The following TNIK variants were observed in gnomAD, a reference collection of about 807,000 sequenced individuals.
TNIK encodes the protein TRAF2 and NCK-interacting protein kinase.
TNIK carries 49 observed loss-of-function variants against 191.3 expected under a neutral mutation model. That is an observed-to-expected ratio of 0.26 (90% CI 0.20 to 0.32). The LOEUF is 0.32. Ranked by LOEUF, TNIK falls within the 10% of genes least tolerant of loss-of-function variation. The pLI, the probability that TNIK is intolerant of heterozygous loss-of-function variation, is 1.00. For synonymous variants in TNIK, 594 were observed against 600.9 expected (o/e 0.99, Z 0.17); for missense variants, 1,155 against 1,702.3 (o/e 0.68, Z 5.66).
intron 2 of TNIK, among the ~76,000 whole-genome samples, chr3:171,290,562 T>C (rs909490910): frequency 1.3e-5 from 2 of 152,236 alleles, no homozygotes; most frequent in African/African-American, 4.8e-5. Context: ...TCAAATATGC[T>C]GAACATTAGA....
chr3:171,420,389 A>C (rs1391707161), intron 1 of TNIK, among the ~76,000 whole-genome samples: 1 of 152,144 alleles, frequency 6.6e-6, no homozygotes, highest in African/African-American at 2.4e-5. Context: ...GTTTTTTTAC[A>C]CTCAAGGTAG....
At chr3:171,445,717 A>T (rs1240749860) in intron 1 of TNIK, among the ~76,000 whole-genome samples, 1 of 152,204 alleles carries the variant, frequency 6.6e-6, no homozygotes, top group Non-Finnish European at 1.5e-5. Flanking sequence ...AGAAGTAGTT[A>T]ATACAGTCAA....
chr3:171,294,864 T>C (rs1015861810), intron 2 of TNIK, among the ~76,000 whole-genome samples: 2 of 152,306 alleles, frequency 1.3e-5, no homozygotes, highest in Non-Finnish European at 1.5e-5. Context: ...AATTTCTTAC[T>C]CATGAAAATG....
chr3:171,139,587 G>C, intron 13 of TNIK, 31 bp from the exon 14 acceptor site: 1 of 1,605,950 alleles, frequency 6.2e-7, no homozygotes, highest in Non-Finnish European at 8.5e-7. Flanking sequence ...GAATTCAGAG[G>C]AACAGAAAGA....
chr3:171,395,814 C>G (rs138242879), intron 1 of TNIK, among the ~76,000 whole-genome samples: 1 of 152,104 alleles, frequency 6.6e-6, no homozygotes, highest in African/African-American at 2.4e-5. Context: ...GGAAACAGAA[C>G]GTTACCACTT....
intron 23 of TNIK, among the ~76,000 whole-genome samples, chr3:171,090,208 A>G (rs181925052): frequency 2.5e-4 from 38 of 152,250 alleles, no homozygotes; most frequent in Admixed American, 2.4e-3. Context: ...GAAAGCAGAG[A>G]TTAGGGTAAG....
intron 1 of TNIK, among the ~76,000 whole-genome samples, chr3:171,416,898 CCCTGGCAGTAGAAATGATA>C (rs777589725): frequency 6.6e-6 from 1 of 152,174 alleles, no homozygotes; most frequent in Non-Finnish European, 1.5e-5. Flanking sequence ...ATTGTAAATT[CCCTGGCAGTAGAAATGATA>C]CCTGGTTAAT....
chr3:171,456,772 C>G (rs149356733), intron 1 of TNIK, among the ~76,000 whole-genome samples: 13 of 152,316 alleles, frequency 8.5e-5, no homozygotes, highest in African/African-American at 2.9e-4. Flanking sequence ...TTCCCTGACC[C>G]TGGTGAAATT....
At chr3:171,334,972 C>T (rs1756805725) in intron 2 of TNIK, among the ~76,000 whole-genome samples, 1 of 146,208 alleles carries the variant, frequency 6.8e-6, no homozygotes, top group South Asian at 2.2e-4. Context: ...TTTGAAGTGA[C>T]TTTCAGAGTC....
At chr3:171,264,376 C>T (rs578211068) in intron 2 of TNIK, among the ~76,000 whole-genome samples, 51 of 151,916 alleles carry the variant, frequency 3.4e-4, no homozygotes, top group African/African-American at 9.9e-4. Flanking sequence ...TATTTTCAGA[C>T]GGAGTTTTGG....
chr3:171,341,475 A>C (rs1344100101), intron 2 of TNIK, among the ~76,000 whole-genome samples: 28 of 2,928 alleles, frequency 9.6e-3, no homozygotes, highest in Non-Finnish European at 0.027. Flanking sequence ...CTGTCTCAAA[A>C]AAAAAAAAAA....
intron 11 of TNIK, among the ~76,000 whole-genome samples, chr3:171,160,710 T>C (rs1326806975): frequency 6.6e-6 from 1 of 152,098 alleles, no homozygotes; most frequent in Non-Finnish European, 1.5e-5. Flanking sequence ...AAAACAGCCC[T>C]GGATTCTGAG....
At chr3:171,450,898 C>T (rs1728092422) in intron 1 of TNIK, among the ~76,000 whole-genome samples, 1 of 152,224 alleles carries the variant, frequency 6.6e-6, no homozygotes, top group Non-Finnish European at 1.5e-5. Flanking sequence ...ACTTATTAGG[C>T]TCCAGTTGGG....
At chr3:171,349,003 C>A in intron 2 of TNIK, among the ~76,000 whole-genome samples, 1 of 148,368 alleles carries the variant, frequency 6.7e-6, no homozygotes, top group Non-Finnish European at 1.5e-5. Context: ...AGCAAAAAGA[C>A]TGCAAGTTCT....
chr3:171,273,955 A>G (rs966828707), intron 2 of TNIK, among the ~76,000 whole-genome samples: 2 of 152,228 alleles, frequency 1.3e-5, no homozygotes, highest in South Asian at 2.1e-4. Context: ...TTCCTAAGAG[A>G]TTAAGCACTG....
At chr3:171,370,714 A>G (rs904422060) in intron 1 of TNIK, among the ~76,000 whole-genome samples, 20 of 152,204 alleles carry the variant, frequency 1.3e-4, no homozygotes, top group Admixed American at 5.2e-4. Context: ...GGTGGGGTGG[A>G]GTTTACTTAG....
At chr3:171,107,144 C>T (rs1725027881) in intron 21 of TNIK, 39 bp downstream of exon 21, 3 of 1,592,972 alleles carry the variant, frequency 1.9e-6, no homozygotes, top group Non-Finnish European at 2.6e-6. Context: ...TTAATATTTA[C>T]ATTTTGTGAA....
Position 171,326,457 on chromosome 3 carries a change from A to C in TNIK, c.123+43163T>G, listed in dbSNP as rs192701948. Among the ~76,000 whole-genome samples the C allele has an allele frequency of 9.0e-3, 1,323 of 146,894 alleles. 23 individuals carry two copies. Among genetic ancestry groups the C allele is most frequent in the African/African-American group, 0.029 (1,211 of 41,358 alleles). On this transcript the variant is annotated intron_variant, in intron 2 of 32. Transcript: ENST00000436636. ...TGCATTTCCTTCTCCCACAAGAAAA[A>C]AAAAGAAAAAAACTCCCACTGAGGT...
At chr3:171,109,874 T>G (rs1185827213) in intron 19 of TNIK, among the ~76,000 whole-genome samples, 2 of 152,190 alleles carry the variant, frequency 1.3e-5, no homozygotes, top group Non-Finnish European at 2.9e-5. Context: ...GAGAGGCTAA[T>G]TTTTACTTAA....
Sources: allele counts gnomAD v4.1 joint callset (sites outside exome capture counted in the v4.1 genomes callset), GRCh38; gene constraint gnomAD v4.1.1; transcripts MANE v1.5; gene names NCBI Gene and HGNC (gene_info 2026-07-23, HGNC 2026-07-21).